Variants in SEMA4A observed in about 807,000 individuals in gnomAD.
SEMA4A encodes the protein semaphorin-4A.
A neutral mutation model predicts 72.5 loss-of-function variants in SEMA4A; 52 were observed. The observed-to-expected ratio is 0.72, with a 90% CI of 0.57 to 0.90. The LOEUF (loss-of-function observed/expected upper bound fraction) is 0.90, where lower values mean the gene tolerates loss of function less well. SEMA4A is among the 40% of genes least tolerant of loss of function. The pLI, the probability that SEMA4A is intolerant of heterozygous loss-of-function variation, is 0.00. For synonymous variants in SEMA4A, 369 were observed against 393.1 expected, an observed-to-expected ratio of 0.94 and a Z score of 0.73; for missense variants, 926 against 959.7, an observed-to-expected ratio of 0.96 and a Z score of 0.46.
Position 156,161,492 on chromosome 1 carries a change from C to T in SEMA4A, c.957C>T (p.His319=). ...LLPADSPTAP[H]IYAVFTSQWQ... is the part of the protein sequence containing the mutation. ...CCGCCGATTCTCCCACAGCTCCCCA[C>T]ATCTACGCAGTCTTCACCTCCCAGT... The change falls in exon 9 of 15, where the codon CAC becomes CAT. Residue 319 remains histidine (H), a synonymous_variant. Coordinates refer to ENST00000368285, the MANE Select transcript of SEMA4A (RefSeq NM_022367.4). 2 of 1,614,100 alleles carry T rather than the reference C, an allele frequency of 1.2e-6. No individual in the cohort carries two copies. Among genetic ancestry groups the T allele is most frequent in the Non-Finnish European group, 8.5e-7 (1 of 1,179,994 alleles).
intron 2 of SEMA4A, chr1:156,155,523 T>C: frequency 6.5e-6 from 1 of 152,876 alleles, no homozygotes; most frequent in Non-Finnish European, 1.5e-5. Flanking sequence ...CAGGGTGATC[T>C]GTTCAGCAAC....
chr1:156,161,144 A>C lies in SEMA4A; in HGVS notation c.810+115A>C. The stretch of plus-strand genomic sequence containing the variant: ...GAGCGGGGGAGCGGGGCGGGGAACA[A>C]GCGGGCCTGGCGGGGTGGGGCGGGG... On this transcript the variant is annotated intron_variant, in intron 8 of 14. Coordinates refer to ENST00000368285, the MANE Select transcript of SEMA4A (RefSeq NM_022367.4). 4 of 694,454 alleles carry C rather than the reference A, an allele frequency of 5.8e-6. No individual in the cohort carries two copies. In the South Asian group the frequency reaches 6.5e-5, roughly 11 times the overall value. 43.0% of individuals were successfully genotyped at this position (694,454 alleles called of 1,614,324 possible).
intron 10 of SEMA4A, among the ~76,000 whole-genome samples, chr1:156,163,874 C>T (rs1558153754): frequency 6.6e-6 from 1 of 150,454 alleles, no homozygotes; most frequent in Non-Finnish European, 1.5e-5. Context: ...CTGTCTCTAC[C>T]AAAAAAAATG....
At chr1:156,160,607 T>C (rs1164423123) in intron 7 of SEMA4A, 48 bp downstream of exon 7, 1 of 1,497,168 alleles carries the variant, frequency 6.7e-7, no homozygotes, top group Admixed American at 1.7e-5. Context: ...CCTGGTGACC[T>C]TGCTAATTCA....
At chr1:156,154,798 G>C (rs1652864103) in intron 2 of SEMA4A, 81 bp downstream of exon 2, 2 of 1,498,278 alleles carry the variant, frequency 1.3e-6, no homozygotes, top group Middle Eastern at 1.7e-4. Flanking sequence ...GAACAGAGGA[G>C]GGGAGGAAAT....
At chr1:156,154,454 C>T in intron 1 of SEMA4A, 96 bp from the exon 2 acceptor site, 1 of 1,162,588 alleles carries the variant, frequency 8.6e-7, no homozygotes, top group Admixed American at 2.0e-5. Context: ...GCCACCAATA[C>T]ACACGCTTCT....
chr1:156,160,757 C>A, intron 7 of SEMA4A, 148 bp from the exon 8 acceptor site: 1 of 1,203,970 alleles, frequency 8.3e-7, no homozygotes, highest in Non-Finnish European at 1.2e-6. Flanking sequence ...CAGTCATCCC[C>A]ACCCCACATC....
At chr1:156,161,554 G>C (rs1653666640) in intron 9 of SEMA4A, 36 bp downstream of exon 9, 4 of 1,610,184 alleles carry the variant, frequency 2.5e-6, no homozygotes, top group South Asian at 2.2e-5. Flanking sequence ...GGCTGGACAC[G>C]GGACTTGACG....
chr1:156,163,099 G>C lies in SEMA4A; in HGVS notation c.1134+5G>C, dbSNP rs1572403724. The C allele has an allele frequency of 8.1e-6, 13 of 1,611,972 alleles. No homozygotes were observed. The East Asian group carries it at 2.9e-4, about 36-fold the overall frequency. The stretch of plus-strand genomic sequence containing the variant: ...ACCAACCCCCGGCCAGGCAGTGTGA[G>C]TACTACCCCCCACACTGAGCACAGT... On this transcript the variant is annotated splice_donor_5th_base_variant and intron_variant, in intron 10 of 14. Coordinates refer to ENST00000368285, the MANE Select transcript of SEMA4A (RefSeq NM_022367.4).
upstream of SEMA4A, among the ~76,000 whole-genome samples, chr1:156,151,561 A>G (rs1461989445): frequency 6.6e-6 from 1 of 152,198 alleles, no homozygotes; most frequent in Non-Finnish European, 1.5e-5. Flanking sequence ...GGCTGGGCAC[A>G]GTGTCTCACG....
intron 11 of SEMA4A, among the ~76,000 whole-genome samples, chr1:156,173,611 G>C (rs183850476): frequency 5.9e-5 from 9 of 152,270 alleles, no homozygotes; most frequent in African/African-American, 9.6e-5. Context: ...TGGGTGGCGG[G>C]GGGGACAGCA....
chr1:156,156,311 G>A, intron 2 of SEMA4A, 103 bp from the exon 3 acceptor site: 1 of 1,080,388 alleles, frequency 9.3e-7, no homozygotes. Flanking sequence ...AAGGCCTGGG[G>A]AGCACACTCA....
intron 10 of SEMA4A, among the ~76,000 whole-genome samples, chr1:156,164,614 A>G (rs1026222749): frequency 2.6e-5 from 4 of 152,036 alleles, no homozygotes; most frequent in African/African-American, 9.7e-5. Flanking sequence ...ACCCACCCCC[A>G]ATCTCCTAAC....
Position 156,158,324 on chromosome 1 carries a change from GC to G in SEMA4A, c.364-62del. 10 of 1,385,710 alleles carry G rather than the reference GC, an allele frequency of 7.2e-6. No homozygotes were observed. In the South Asian group the frequency reaches 1.2e-4, roughly 16 times the overall value. 85.8% of individuals were successfully genotyped at this position (1,385,710 alleles called of 1,614,324 possible). A position where few individuals can be genotyped will look rare whatever the true frequency, so the allele number is the denominator to read the frequency against. On this transcript the variant is annotated intron_variant, in intron 4 of 14. Coordinates refer to ENST00000368285, the MANE Select transcript of SEMA4A (RefSeq NM_022367.4). ...AGCCTTTCTCCTCAGTGAGGGGGCA[GC>G]CTCTGGGGGTCCAGCAATTTGAGTC...
chr1:156,162,241 C>T (rs970610779), intron 9 of SEMA4A, among the ~76,000 whole-genome samples: 3 of 152,216 alleles, frequency 2.0e-5, no homozygotes, highest in Non-Finnish European at 4.4e-5. Flanking sequence ...AGCCTGGCAA[C>T]ACAGTGAGAC....
chr1:156,159,532 C>T (rs1193801005), intron 6 of SEMA4A, among the ~76,000 whole-genome samples: 1 of 152,100 alleles, frequency 6.6e-6, no homozygotes, highest in Non-Finnish European at 1.5e-5. Context: ...GAGAAGAGGC[C>T]TGAGACTGAG....
chr1:156,160,383 G>C, intron 6 of SEMA4A, 60 bp from the exon 7 acceptor site: 18 of 1,319,152 alleles, frequency 1.4e-5, no homozygotes, highest in Non-Finnish European at 2.0e-5. Flanking sequence ...AGGCAGGTCT[G>C]TGGAGGGCAG....
At chr1:156,148,601 A>T (rs1280335989), upstream of SEMA4A, among the ~76,000 whole-genome samples, 1 of 152,178 alleles carries the variant, frequency 6.6e-6, no homozygotes, top group East Asian at 1.9e-4. Context: ...TGGCGGAGCC[A>T]TGCTGCTCCC....
intron 14 of SEMA4A, 113 bp from the exon 15 acceptor site, chr1:156,176,292 C>T (rs1205216636): frequency 3.7e-6 from 3 of 814,750 alleles, no homozygotes; most frequent in African/African-American, 3.5e-5. Flanking sequence ...CCAGAACCTG[C>T]CTCAAAAAAA....
Sources: gnomAD v4.1 joint callset for allele counts (sites outside exome capture counted in the v4.1 genomes callset) on GRCh38, gnomAD v4.1.1 for gene constraint, MANE v1.5 for transcripts, NCBI Gene and HGNC (gene_info 2026-07-23, HGNC 2026-07-21) for gene names.